The following AQR variants were observed in gnomAD, a reference collection of about 807,000 sequenced individuals.
The protein encoded by AQR is RNA helicase aquarius.
A neutral mutation model predicts 180.5 loss-of-function variants in AQR; 61 were observed. The observed-to-expected ratio is 0.34, with a 90% CI of 0.28 to 0.42. The LOEUF (loss-of-function observed/expected upper bound fraction) is 0.42, where lower values mean the gene tolerates loss of function less well. AQR is among the 10% of genes least tolerant of loss of function. The probability of loss-of-function intolerance (pLI) is 1.00; values close to 1 mark genes in which losing one functional copy is unlikely to be tolerated. For synonymous variants in AQR, 551 were observed against 588.8 expected, an observed-to-expected ratio of 0.94 and a Z score of 0.93; for missense variants, 1,281 against 1,798.3, an observed-to-expected ratio of 0.71 and a Z score of 5.20.
In AQR at chr15:34,914,701, T is replaced by G. The variant is rs1232658284; in HGVS notation, c.1484+337A>C. 2.0e-5 allele frequency among the ~76,000 whole-genome samples: 3 copies of G among 152,190 alleles called. No individual in the cohort carries two copies. In the East Asian group the frequency reaches 5.8e-4, roughly 29 times the overall value. On this transcript the variant is annotated intron_variant, in intron 16 of 34. Coordinates refer to ENST00000156471, the MANE Select transcript of AQR (RefSeq NM_014691.3). ...AAACTGTTCTGACCTAGTACGGGCCTGCTTGGCCAACCCCTAGCCTTCCAA... is the reference window on the plus strand; with the variant it reads ...AAACTGTTCTGACCTAGTACGGGCCGGCTTGGCCAACCCCTAGCCTTCCAA...
At chr15:34,874,637 G>C in intron 29 of AQR, 40 bp downstream of exon 29, 1 of 1,603,428 alleles carries the variant, frequency 6.2e-7, no homozygotes, top group Non-Finnish European at 8.5e-7. Context: ...TGGAACAAAT[G>C]TCCTTAAATG....
At chr15:34,865,020 A>G (rs952418655) in intron 32 of AQR, among the ~76,000 whole-genome samples, 2 of 152,188 alleles carry the variant, frequency 1.3e-5, no homozygotes, top group Non-Finnish European at 2.9e-5. Context: ...ATGAATGACC[A>G]AATACTACGA....
At position 34,853,288 on chromosome 15, in the gene AQR, T is replaced by A. The variant is rs1012724692; in HGVS notation, c.*3504A>T. On this transcript the variant is annotated 3_prime_UTR_variant, in exon 35 of 35. Coordinates refer to ENST00000156471, the MANE Select transcript of AQR (RefSeq NM_014691.3). ...TTATCTTGTTTTGATTGAAGAAACA[T>A]CTCTAAAAATACCATCTGAGTGCAA... 9 of 151,146 alleles carry A rather than the reference T, an allele frequency of 6.0e-5. No homozygotes were observed. The highest frequency in any genetic ancestry group is 2.2e-4 in the African/African-American group (9 of 41,008). The allele number at this position is 151,146 out of a possible 1,614,324, so 9.4% of individuals were successfully genotyped here. A position where few individuals can be genotyped will look rare whatever the true frequency, so the allele number is the denominator to read the frequency against.
intron 30 of AQR, among the ~76,000 whole-genome samples, chr15:34,873,171 T>A (rs1251153420): frequency 6.6e-6 from 1 of 152,116 alleles, no homozygotes; most frequent in Non-Finnish European, 1.5e-5. Flanking sequence ...TCCAGAATAA[T>A]TTGCAGTGAT....
intron 16 of AQR, among the ~76,000 whole-genome samples, chr15:34,914,500 A>C (rs1289713837): frequency 6.6e-6 from 1 of 152,166 alleles, no homozygotes; most frequent in African/African-American, 2.4e-5. Context: ...TCTTCCACAG[A>C]ATCTATGGGT....
At chr15:34,896,224 A>T (rs948878378) in intron 22 of AQR, among the ~76,000 whole-genome samples, 10 of 152,250 alleles carry the variant, frequency 6.6e-5, no homozygotes, top group Non-Finnish European at 1.0e-4. Flanking sequence ...AAAAGTGGCC[A>T]TAAGCAATGC....
intron 27 of AQR, among the ~76,000 whole-genome samples, chr15:34,876,368 T>C (rs921752894): frequency 2.0e-5 from 3 of 152,188 alleles, no homozygotes; most frequent in African/African-American, 7.2e-5. Flanking sequence ...ATGAAGTCTT[T>C]CCCTTTGGTA....
chr15:34,948,457 A>G (rs1305556846), intron 4 of AQR, 73 bp from the exon 5 acceptor site: 1 of 1,490,234 alleles, frequency 6.7e-7, no homozygotes, highest in East Asian at 2.4e-5. Flanking sequence ...TCACCCAGAA[A>G]AGCATAATTA....
Position 34,870,864 on chromosome 15 carries a change from T to C in AQR, c.3656A>G (p.Tyr1219Cys), listed in dbSNP as rs773531382. The C allele has an allele frequency of 1.2e-6, 2 of 1,613,382 alleles. No individual in the cohort carries two copies. The highest frequency in any genetic ancestry group is 8.5e-7 in the Non-Finnish European group (1 of 1,179,620). Residue 1219 changes from tyrosine to cysteine, a missense_variant, in exon 31 of 35, where the codon TAC (tyrosine) becomes TGC (cysteine). Around this residue, in one of 9 missense-constraint regions of AQR, gnomAD observed 197 missense variants for 320.7 expected, o/e 0.61. Coordinates refer to ENST00000156471, the MANE Select transcript of AQR (RefSeq NM_014691.3). The stretch of plus-strand genomic sequence containing the variant: ...TAGAATACTGATTTTGTCAGCAGGG[T>C]AACCAAGTAAACACATGTACATAAA... ...ALFMYMCLLG[Y>C]PADKISILTT...
At chr15:34,949,377 G>C (rs1410875586) in intron 4 of AQR, among the ~76,000 whole-genome samples, 1 of 151,176 alleles carries the variant, frequency 6.6e-6, no homozygotes. Context: ...TTGGGAGGCC[G>C]AGGCAGGCAG....
intron 10 of AQR, among the ~76,000 whole-genome samples, chr15:34,933,070 A>G (rs1490166639): frequency 6.6e-6 from 1 of 152,262 alleles, no homozygotes; most frequent in African/African-American, 2.4e-5. Context: ...TGTATGTTTA[A>G]AAGTGGAGTT....
chr15:34,963,760 T>C (rs1595367938), intron 2 of AQR, among the ~76,000 whole-genome samples: 1 of 150,770 alleles, frequency 6.6e-6, no homozygotes, highest in Admixed American at 6.6e-5. Flanking sequence ...GCCTCCCAGG[T>C]TCACGCCATT....
intron 1 of AQR, 53 bp downstream of exon 1, chr15:34,969,486 C>A: frequency 6.2e-7 from 1 of 1,601,908 alleles, no homozygotes; most frequent in African/African-American, 1.3e-5. Context: ...CACCAGGCCT[C>A]GGGGCCACGA....
At position 34,897,659 on chromosome 15, in the gene AQR, C is replaced by T; in HGVS notation, c.2290G>A (p.Ala764Thr). ...TCGGTGTCTTCATCTTCCACATCCG[C>T]ATCTTTCCTTTTCTTCCCTTTTCCA... ...RSGKGKKRKDADVEDEDTEEA... is the reference protein window; with the variant it reads ...RSGKGKKRKDTDVEDEDTEEA... Residue 764 changes from alanine (A) to threonine (T), a missense_variant, in exon 21 of 35, where the codon GCG (alanine) becomes ACG (threonine). Ala to Thr is a moderately conservative substitution (Grantham distance 58). Around this residue, in one of 9 missense-constraint regions of AQR, gnomAD observed 112 missense variants for 128.6 expected, o/e 0.87. Coordinates refer to ENST00000156471, the MANE Select transcript of AQR (RefSeq NM_014691.3). 6.2e-7 allele frequency: 1 copy of T among 1,614,110 alleles called. No homozygotes were observed. Among genetic ancestry groups the T allele is most frequent in the South Asian group, 1.1e-5 (1 of 91,068 alleles).
At chr15:34,934,785 CAT>C in intron 9 of AQR, 150 bp from the exon 10 acceptor site, 1 of 470,536 alleles carries the variant, frequency 2.1e-6, no homozygotes. Context: ...GAGGATCTCA[CAT>C]ATATATTTTT....
rs757430075 is a variant in AQR at position 34,915,208 on chromosome 15, A to G, written c.1343-29T>C. 5.2e-6 allele frequency: 8 copies of G among 1,536,852 alleles called. No homozygotes were observed. In the African/African-American group the frequency reaches 1.1e-4, roughly 22 times the overall value. ...AAAAGGAAAAAAACATCCATATTTC[A>G]ATTTTTTTTTTTTTTTGAGACGGAG... On this transcript the variant is annotated intron_variant, in intron 15 of 34. Coordinates refer to ENST00000156471, the MANE Select transcript of AQR (RefSeq NM_014691.3).
intron 22 of AQR, among the ~76,000 whole-genome samples, chr15:34,895,983 GC>G (rs1203630211): frequency 2.6e-5 from 4 of 152,062 alleles, no homozygotes; most frequent in African/African-American, 9.7e-5. Context: ...AATTTAAAAA[GC>G]AAAAACCAAA....
At chr15:34,899,062 C>A (rs1198635015) in intron 20 of AQR, among the ~76,000 whole-genome samples, 2 of 151,662 alleles carry the variant, frequency 1.3e-5, no homozygotes, top group Non-Finnish European at 2.9e-5. Context: ...CCCAGCTACT[C>A]CGGAGGCTGA....
intron 19 of AQR, among the ~76,000 whole-genome samples, chr15:34,902,423 CT>C (rs1369753187): frequency 1.3e-5 from 2 of 152,138 alleles, no homozygotes; most frequent in East Asian, 3.8e-4. Flanking sequence ...AAAGAGCATT[CT>C]TTTTTTCCTA....
Sources: allele counts gnomAD v4.1 joint callset (sites outside exome capture counted in the v4.1 genomes callset), GRCh38; gene constraint gnomAD v4.1.1; regional missense constraint gnomAD v4.1.1; transcripts MANE v1.5; gene names NCBI Gene and HGNC (gene_info 2026-07-23, HGNC 2026-07-21).